The following RANGAP1 variants were observed in gnomAD, a reference collection of about 807,000 sequenced individuals.
RANGAP1 encodes ran GTPase-activating protein 1.
Under a neutral mutation model 63.5 loss-of-function variants are expected in RANGAP1, and 38 were observed. The ratio of observed to expected loss-of-function variants is 0.60; its 90% CI spans 0.46 to 0.78. RANGAP1 has a LOEUF of 0.78. Among genes scored for constraint, RANGAP1 ranks in the 30% least tolerant of loss-of-function variants. RANGAP1 has a pLI of 0.00. For missense variants in RANGAP1, 630 were observed against 740.3 expected (o/e 0.85, Z 1.73); for synonymous variants, 329 against 310.5 (o/e 1.06, Z -0.63).
chr22:41,253,323 T>C (rs2033602522), intron 11 of RANGAP1, among the ~76,000 whole-genome samples: 2 of 152,068 alleles, frequency 1.3e-5, no homozygotes, highest in South Asian at 4.1e-4. Flanking sequence ...CTAAAGTGGG[T>C]CCCCGTAGAA....
In RANGAP1 at chr22:41,257,870, G is replaced by A; in HGVS notation, c.774+78C>T. ...GGGGTAGAGGAGTCCCTGCTAAACG[G>A]AGCCCCAGCTTCCCTGGAAAGACAG... On this transcript the variant is annotated intron_variant, in intron 7 of 15. Coordinates refer to ENST00000356244, the MANE Select transcript of RANGAP1 (RefSeq NM_002883.4). The surrounding 1 kb of genome is among the most constrained non-coding windows in gnomAD (Gnocchi z 4.0). The A allele has an allele frequency of 6.7e-7, 1 of 1,485,178 alleles. No homozygotes were observed. The highest frequency in any genetic ancestry group is 9.1e-7 in the Non-Finnish European group (1 of 1,096,132). The allele number at this position is 1,485,178 out of a possible 1,614,324, so 92.0% of individuals were successfully genotyped here.
At chr22:41,267,197 C>T (rs2034532139) in intron 4 of RANGAP1, among the ~76,000 whole-genome samples, 1 of 151,992 alleles carries the variant, frequency 6.6e-6, no homozygotes, top group Non-Finnish European at 1.5e-5. Context: ...ATTTTCTTAA[C>T]CTACATTCCA....
At chr22:41,261,603 C>G in intron 5 of RANGAP1, 23 bp from the exon 6 acceptor site, 2 of 1,614,100 alleles carry the variant, frequency 1.2e-6, no homozygotes, top group East Asian at 4.5e-5. Flanking sequence ...GCAAGGGGCC[C>G]TGGTCATGGG....
chr22:41,252,827 G>T, intron 12 of RANGAP1, 45 bp downstream of exon 12: 1 of 1,490,084 alleles, frequency 6.7e-7, no homozygotes, highest in Non-Finnish European at 8.9e-7. Flanking sequence ...AACAGCTCCA[G>T]AAGCCACAGC....
Position 41,249,410 on chromosome 22 carries a change from G to C in RANGAP1, c.1614C>G (p.Pro538=), listed in dbSNP as rs984342615. The C allele has an allele frequency of 4.3e-6, 7 of 1,614,054 alleles. No homozygotes were observed. The highest frequency in any genetic ancestry group is 2.2e-5 in the East Asian group (1 of 44,896). Residue 538 remains proline, a synonymous_variant, in exon 15 of 16, where the codon CCC becomes CCG. Coordinates refer to ENST00000356244, the MANE Select transcript of RANGAP1 (RefSeq NM_002883.4). ...GCACCATGTGGTTCAGCGCCATCAG[G>C]GGGCCGTACAGGTTGGCAATGGCCT... ...KVKAIANLYG[P]LMALNHMVQQ... is the part of the protein sequence containing the mutation.
intron 12 of RANGAP1, among the ~76,000 whole-genome samples, chr22:41,252,428 A>G (rs1338566892): frequency 6.6e-6 from 1 of 152,222 alleles, no homozygotes; most frequent in Admixed American, 6.5e-5. Context: ...GGATGCCCCG[A>G]AGATCATCTA....
upstream of RANGAP1, among the ~76,000 whole-genome samples, chr22:41,288,657 C>G (rs1433700851): frequency 6.6e-6 from 1 of 152,098 alleles, no homozygotes; most frequent in East Asian, 1.9e-4. Context: ...AGGGGAACAT[C>G]TTAGCTGATC....
At chr22:41,277,618 C>A in intron 2 of RANGAP1, 1 of 654,730 alleles carries the variant, frequency 1.5e-6, no homozygotes, top group Non-Finnish European at 2.1e-6. Context: ...TATAACCTAG[C>A]AGGGGCTCCC....
intron 10 of RANGAP1, among the ~76,000 whole-genome samples, chr22:41,255,312 A>C (rs1445939132): frequency 1.3e-5 from 2 of 152,178 alleles, no homozygotes; most frequent in African/African-American, 4.8e-5. Context: ...CCGAGGAGAC[A>C]CGACTGAGTA....
the RANGAP1 span, among the ~76,000 whole-genome samples, chr22:41,296,981 C>T: frequency 6.6e-5 from 10 of 152,090 alleles, no homozygotes; most frequent in Non-Finnish European, 1.2e-4. Context: ...GAGGCCGAGG[C>T]GGACAGATCA....
At chr22:41,301,324 A>G in the RANGAP1 span, among the ~76,000 whole-genome samples, 1 of 151,756 alleles carries the variant, frequency 6.6e-6, no homozygotes, top group Non-Finnish European at 1.5e-5. Context: ...GCCAAAAGAA[A>G]CCCCCCTAAA....
intron 1 of RANGAP1, chr22:41,282,308 A>G (rs1489528805): frequency 6.6e-6 from 1 of 152,086 alleles, no homozygotes; most frequent in Non-Finnish European, 1.5e-5. Flanking sequence ...TCTAAAAGTA[A>G]CTAAATAAAT....
At chr22:41,289,933 G>C (rs1984839), upstream of RANGAP1, among the ~76,000 whole-genome samples, 44,621 of 152,042 alleles carry the variant, frequency 0.29, 7,413 homozygotes, top group Admixed American at 0.5. Flanking sequence ...GATTGCTAAA[G>C]CCCAGGATTT....
At chr22:41,278,200 G>A (rs972040535) in intron 2 of RANGAP1, among the ~76,000 whole-genome samples, 4 of 152,016 alleles carry the variant, frequency 2.6e-5, no homozygotes, top group African/African-American at 7.2e-5. Context: ...CACCACGCCC[G>A]GCTAATTTTT....
At chr22:41,269,718 G>A (rs5751074) in intron 3 of RANGAP1, among the ~76,000 whole-genome samples, 48,810 of 148,172 alleles carry the variant, frequency 0.33, 8,656 homozygotes, top group Admixed American at 0.51. Flanking sequence ...CAGCAGCCTG[G>A]GCGACACAGA....
At chr22:41,296,795 G>T in the RANGAP1 span, among the ~76,000 whole-genome samples, 35 of 152,304 alleles carry the variant, frequency 2.3e-4, no homozygotes, top group African/African-American at 8.2e-4. Context: ...CACACAAAGT[G>T]ATTTATTTTA....
chr22:41,249,177 A>C (rs750155678), intron 15 of RANGAP1, among the ~76,000 whole-genome samples, 153 bp downstream of exon 15: 1 of 152,204 alleles, frequency 6.6e-6, no homozygotes, highest in Non-Finnish European at 1.5e-5. Flanking sequence ...GCAGATGCTG[A>C]GAGCCCAGGA....
Position 41,254,441 on chromosome 22 carries a change from GCTT to G in RANGAP1, c.1124_1126del (p.Glu375del). ...CTCATCTTCCTCCTCCTCTTCTTCT[GCTT>G]CCTCTTCTTCCTCTTCTCCTTCCTC... On this transcript the variant is annotated inframe_deletion, in exon 11 of 16. Transcript: ENST00000356244. The G allele has an allele frequency of 6.2e-7, 1 of 1,610,106 alleles. No homozygotes were observed.
In RANGAP1 at chr22:41,262,479, G is replaced by A. The variant is rs1399891180; in HGVS notation, c.481-899C>T. Among the ~76,000 whole-genome samples the A allele has an allele frequency of 2.0e-5, 3 of 152,230 alleles. No individual in the cohort carries two copies. In the East Asian group the frequency reaches 5.8e-4, roughly 29 times the overall value. On this transcript the variant is annotated intron_variant, in intron 5 of 15. Transcript: ENST00000356244. ...GCAGGATTGGCCGTACTTTACAGAT[G>A]AGGAAGCTGAGGCTCTGAGAGATGA...
Sources: allele counts gnomAD v4.1 joint callset (sites outside exome capture counted in the v4.1 genomes callset), GRCh38; gene constraint gnomAD v4.1.1; non-coding constraint Gnocchi (gnomAD v3.1); transcripts MANE v1.5; gene names NCBI Gene and HGNC (gene_info 2026-07-23, HGNC 2026-07-21).